Variants in RGSL1 observed in about 807,000 individuals in gnomAD.
The protein encoded by RGSL1 is regulator of G protein signaling like 1, also known as regulator of G protein signaling protein-like.
Under a neutral mutation model 124.7 loss-of-function variants are expected in RGSL1, and 97 were observed. The ratio of observed to expected loss-of-function variants is 0.78; its 90% confidence interval spans 0.66 to 0.92. RGSL1 has a LOEUF of 0.92. Among genes scored for constraint, RGSL1 ranks in the 40% least tolerant of loss-of-function variants. The probability of loss-of-function intolerance (pLI) is 0.00; values close to 1 mark genes in which losing one functional copy is unlikely to be tolerated. For missense variants in RGSL1, 1,233 were observed against 1,288.4 expected (o/e 0.96, Z 0.66); for synonymous variants, 424 against 438.1 (o/e 0.97, Z 0.40).
intron 6 of RGSL1, among the ~76,000 whole-genome samples, chr1:182,485,361 T>C (rs745603200): frequency 3.3e-5 from 5 of 152,162 alleles, no homozygotes; most frequent in Non-Finnish European, 2.9e-5. Context: ...TTTATTAGAA[T>C]GTAGTTATTC....
At chr1:182,535,840 G>T (rs1659501922) in intron 14 of RGSL1, among the ~76,000 whole-genome samples, 1 of 151,940 alleles carries the variant, frequency 6.6e-6, no homozygotes, top group South Asian at 2.1e-4. Flanking sequence ...TTTTAATTGT[G>T]CAATTTGATG....
chr1:182,490,095 C>G (rs985406370), intron 8 of RGSL1, among the ~76,000 whole-genome samples: 10 of 152,062 alleles, frequency 6.6e-5, no homozygotes, highest in Non-Finnish European at 2.9e-5. Context: ...ACATAAGATG[C>G]TGTACTCCAG....
intron 21 of RGSL1, among the ~76,000 whole-genome samples, chr1:182,558,994 C>T (rs73059402): frequency 0.027 from 4,174 of 152,250 alleles, 192 homozygotes; most frequent in African/African-American, 0.095. Flanking sequence ...AATGTATGAA[C>T]GCACAATCTG....
At chr1:182,453,844 GTCA>G (rs776467853) in intron 1 of RGSL1, 111 bp from the exon 2 acceptor site, 6 of 654,640 alleles carry the variant, frequency 9.2e-6, no homozygotes, top group Admixed American at 2.4e-5. Flanking sequence ...CCTAGAGGCT[GTCA>G]TCATGCTGAG....
intron 9 of RGSL1, among the ~76,000 whole-genome samples, chr1:182,505,100 C>G (rs1656715846): frequency 6.6e-6 from 1 of 152,192 alleles, no homozygotes; most frequent in African/African-American, 2.4e-5. Flanking sequence ...GCTATCCCAA[C>G]TGTTGTCCCT....
intron 11 of RGSL1, 130 bp downstream of exon 11, chr1:182,527,902 T>A: frequency 1.5e-6 from 1 of 654,772 alleles, no homozygotes; most frequent in Non-Finnish European, 2.5e-6. Context: ...GGGGCAATAT[T>A]GAGACAGATT....
At chr1:182,552,805 G>A (rs190636324) in intron 18 of RGSL1, among the ~76,000 whole-genome samples, 359 of 152,332 alleles carry the variant, frequency 2.4e-3, no homozygotes, top group Non-Finnish European at 3.9e-3. Context: ...GTGTGAGAGA[G>A]AATAAGAGAC....
In RGSL1 at chr1:182,488,363, G is replaced by A. The variant is rs1655251909; in HGVS notation, c.1494+16G>A. ...CCTTTTTACGGTAGGAAGGACTTTG[G>A]GTTAGGAAGGAATCATGAGGATGAG... On this transcript the variant is annotated intron_variant, in intron 7 of 21. Transcript: ENST00000294854. 2 of 1,548,554 alleles carry A rather than the reference G, an allele frequency of 1.3e-6. No individual in the cohort carries two copies. The highest frequency in any genetic ancestry group is 8.7e-7 in the Non-Finnish European group (1 of 1,143,734).
In RGSL1 at chr1:182,474,095, C is replaced by A; in HGVS notation, c.984C>A (p.Leu328=). The A allele has an allele frequency of 6.4e-7, 1 of 1,551,858 alleles. No individual in the cohort carries two copies. Among genetic ancestry groups the A allele is most frequent in the Non-Finnish European group, 8.7e-7 (1 of 1,147,022 alleles). ...SSMENKAKSH[L]HMEAPFETKV... is the part of the protein sequence containing the mutation. ...TGGAGAATAAAGCCAAGAGCCACCT[C>A]CACATGGAAGCCCCCTTTGAGACAA... The change falls in exon 6 of 22, where the codon CTC becomes CTA. Residue 328 remains leucine (L), a synonymous_variant. Transcript: ENST00000294854.
intron 17 of RGSL1, 72 bp downstream of exon 17, chr1:182,548,896 T>G (rs990415065): frequency 6.6e-7 from 1 of 1,516,486 alleles, no homozygotes; most frequent in Non-Finnish European, 8.9e-7. Flanking sequence ...GTTTTCTGCC[T>G]TCCTCTAGCA....
chr1:182,509,694 G>A (rs1414908732), intron 9 of RGSL1, among the ~76,000 whole-genome samples: 4 of 138,094 alleles, frequency 2.9e-5, no homozygotes, highest in Admixed American at 1.4e-4. Context: ...CCTCCCGGAC[G>A]GCACGGCTGG....
chr1:182,462,474 A>G (rs1475059448), intron 4 of RGSL1, among the ~76,000 whole-genome samples: 1 of 152,188 alleles, frequency 6.6e-6, no homozygotes, highest in Non-Finnish European at 1.5e-5. Flanking sequence ...TTTAAAAGCT[A>G]TCATCATTGT....
intron 19 of RGSL1, among the ~76,000 whole-genome samples, chr1:182,554,074 C>T (rs1660721715): frequency 6.6e-6 from 1 of 152,162 alleles, no homozygotes; most frequent in Admixed American, 6.5e-5. Flanking sequence ...AAGGAGTCAA[C>T]CCCACTCCCA....
At chr1:182,555,883 A>C (rs1303041265) in intron 20 of RGSL1, 141 bp from the exon 21 acceptor site, 2 of 685,796 alleles carry the variant, frequency 2.9e-6, no homozygotes, top group Non-Finnish European at 5.1e-6. Flanking sequence ...TAAGAATGTG[A>C]GAAGCCCTAT....
At chr1:182,484,484 C>T (rs569839402) in intron 6 of RGSL1, among the ~76,000 whole-genome samples, 1 of 152,172 alleles carries the variant, frequency 6.6e-6, no homozygotes, top group African/African-American at 2.4e-5. Context: ...GGCCAGGGTA[C>T]AGCAGCAACT....
chr1:182,491,847 TGA>T (rs748127623), intron 8 of RGSL1, among the ~76,000 whole-genome samples: 50 of 152,178 alleles, frequency 3.3e-4, no homozygotes, highest in Admixed American at 7.2e-4. Flanking sequence ...ACAACCCAAA[TGA>T]ATACTTCTCC....
At chr1:182,491,379 C>A (rs1383805472) in intron 8 of RGSL1, among the ~76,000 whole-genome samples, 3 of 151,968 alleles carry the variant, frequency 2.0e-5, no homozygotes, top group Admixed American at 2.0e-4. Flanking sequence ...CCATGCCCTG[C>A]TAATTTTTGT....
intron 9 of RGSL1, among the ~76,000 whole-genome samples, chr1:182,504,370 T>A (rs1656645325): frequency 6.6e-6 from 1 of 152,076 alleles, no homozygotes; most frequent in Non-Finnish European, 1.5e-5. Context: ...CTTTAGCTCT[T>A]TGAGCATATC....
intron 2 of RGSL1, 60 bp from the exon 3 acceptor site, chr1:182,458,259 G>A (rs1652513231): frequency 7.1e-6 from 9 of 1,259,096 alleles, no homozygotes; most frequent in Non-Finnish European, 1.0e-5. Flanking sequence ...TAGAGGGACT[G>A]TGTCATATAC....
Sources: allele counts gnomAD v4.1 joint callset (sites outside exome capture counted in the v4.1 genomes callset), GRCh38; gene constraint gnomAD v4.1.1; transcripts MANE v1.5; gene names NCBI Gene and HGNC (gene_info 2026-07-23, HGNC 2026-07-21).